The following ERICH3 variants were observed in gnomAD, a reference collection of about 807,000 sequenced individuals.
The protein encoded by ERICH3 is glutamate rich 3.
ERICH3 carries 126 observed loss-of-function variants against 131.1 expected under a neutral mutation model. That is an observed-to-expected ratio of 0.96 (90% confidence interval 0.83 to 1.11). ERICH3 has a LOEUF of 1.11. Among genes scored for constraint, ERICH3 ranks in the 50% most tolerant of loss-of-function variants. ERICH3 has a pLI of 0.00. For synonymous variants in ERICH3, 695 were observed against 644.6 expected (o/e 1.08, Z -1.18); for missense variants, 2,050 against 1,810.7 (o/e 1.13, Z -2.40).
intron 11 of ERICH3, among the ~76,000 whole-genome samples, chr1:74,594,946 G>A (rs1647778654): frequency 6.6e-6 from 1 of 152,102 alleles, no homozygotes; most frequent in African/African-American, 2.4e-5. Flanking sequence ...AAACTAAAAT[G>A]AGTAAATTAA....
upstream of ERICH3, chr1:74,673,862 A>C (rs942465836): frequency 3.7e-6 from 1 of 270,076 alleles, no homozygotes; most frequent in South Asian, 1.3e-4. Context: ...GATAGGGAGG[A>C]GACCCAAGCA....
At chr1:74,596,241 A>G (rs1229063516) in intron 11 of ERICH3, among the ~76,000 whole-genome samples, 2 of 151,956 alleles carry the variant, frequency 1.3e-5, no homozygotes, top group Non-Finnish European at 1.5e-5. Context: ...ATTCTGGGAG[A>G]AGTCTCTTCT....
At chr1:74,582,181 C>A (rs1039945893) in intron 12 of ERICH3, among the ~76,000 whole-genome samples, 1 of 152,126 alleles carries the variant, frequency 6.6e-6, no homozygotes, top group Admixed American at 6.6e-5. Flanking sequence ...GCCAGCACAC[C>A]GGCTTTTTAC....
intron 3 of ERICH3, among the ~76,000 whole-genome samples, chr1:74,643,476 T>C (rs966439318): frequency 2.6e-5 from 4 of 152,166 alleles, no homozygotes; most frequent in African/African-American, 9.7e-5. Flanking sequence ...AGAGAATGGC[T>C]ATATTTCTGG....
At chr1:74,593,568 A>G (rs929791187) in intron 11 of ERICH3, among the ~76,000 whole-genome samples, 1 of 152,154 alleles carries the variant, frequency 6.6e-6, no homozygotes, top group Non-Finnish European at 1.5e-5. Context: ...CCTCTATGAC[A>G]TCATACATGT....
At chr1:74,653,703 C>T (rs1646558445) in intron 1 of ERICH3, among the ~76,000 whole-genome samples, 1 of 152,078 alleles carries the variant, frequency 6.6e-6, no homozygotes, top group Non-Finnish European at 1.5e-5. Context: ...AAGATTATTG[C>T]TTAATGTGAG....
chr1:74,618,356 G>A (rs1244393959), intron 8 of ERICH3, among the ~76,000 whole-genome samples: 2 of 151,918 alleles, frequency 1.3e-5, no homozygotes, highest in African/African-American at 4.8e-5. Flanking sequence ...TATAGACAAA[G>A]GAAATAGCAC....
intron 1 of ERICH3, among the ~76,000 whole-genome samples, chr1:74,669,716 T>G (rs1646724408): frequency 6.6e-6 from 1 of 152,228 alleles, no homozygotes; most frequent in South Asian, 2.1e-4. Flanking sequence ...AAACCATTTT[T>G]ATTTACTCCT....
intron 1 of ERICH3, among the ~76,000 whole-genome samples, chr1:74,659,982 T>C (rs888077251): frequency 4.6e-5 from 7 of 152,142 alleles, no homozygotes; most frequent in Non-Finnish European, 8.8e-5. Flanking sequence ...CTTGGCTGTG[T>C]CCCCACCCAA....
chr1:74,640,059 A>T (rs1369553989), intron 5 of ERICH3, among the ~76,000 whole-genome samples: 6 of 152,184 alleles, frequency 3.9e-5, no homozygotes, highest in African/African-American at 1.4e-4. Flanking sequence ...AGCTGGTTTC[A>T]GTGTTTCCTG....
At chr1:74,609,040 T>A (rs1182020286) in intron 9 of ERICH3, among the ~76,000 whole-genome samples, 1 of 152,084 alleles carries the variant, frequency 6.6e-6, no homozygotes, top group Non-Finnish European at 1.5e-5. Context: ...CGTCACTGAC[T>A]ACCTATTTGA....
intron 1 of ERICH3, among the ~76,000 whole-genome samples, chr1:74,664,718 G>A (rs1570920919): frequency 6.6e-6 from 1 of 151,904 alleles, no homozygotes; most frequent in Admixed American, 6.6e-5. Context: ...GACTATTATA[G>A]AAAAATAATA....
At chr1:74,663,949 C>T (rs1646665685) in intron 1 of ERICH3, among the ~76,000 whole-genome samples, 1 of 152,012 alleles carries the variant, frequency 6.6e-6, no homozygotes, top group African/African-American at 2.4e-5. Context: ...GGGGCATAGT[C>T]CTGGGATACA....
Position 74,599,684 on chromosome 1 carries a change from G to A in ERICH3, c.1726+11C>T, listed in dbSNP as rs1366356036. 4 of 1,588,902 alleles carry A rather than the reference G, an allele frequency of 2.5e-6. No homozygotes were observed. Among genetic ancestry groups the A allele is most frequent in the Admixed American group, 3.5e-5 (2 of 56,976 alleles). On this transcript the variant is annotated intron_variant, in intron 11 of 14. Coordinates refer to ENST00000326665, the MANE Select transcript of ERICH3 (RefSeq NM_001002912.5). Reference sequence around the variant, plus strand: ...AACAGCCTATGTTACATGATAAGCTGAACAACTCGCCTTGTTTATCCTCTT... The same window carrying A: ...AACAGCCTATGTTACATGATAAGCTAAACAACTCGCCTTGTTTATCCTCTT...
intron 11 of ERICH3, among the ~76,000 whole-genome samples, chr1:74,598,722 TG>T (rs1209131740): frequency 6.6e-6 from 1 of 151,892 alleles, no homozygotes; most frequent in Non-Finnish European, 1.5e-5. Flanking sequence ...AGTATTTTTT[TG>T]TCCATAAGAT....
intron 11 of ERICH3, among the ~76,000 whole-genome samples, 157 bp from the exon 12 acceptor site, chr1:74,590,237 A>C (rs1647527043): frequency 6.6e-6 from 1 of 152,188 alleles, no homozygotes; most frequent in African/African-American, 2.4e-5. Context: ...AGTGGTCCCC[A>C]ATCTTTTTTA....
chr1:74,599,586 T>C, intron 11 of ERICH3, 109 bp downstream of exon 11: 2 of 958,104 alleles, frequency 2.1e-6, no homozygotes, highest in Admixed American at 2.6e-5. Flanking sequence ...TTAGAAAACA[T>C]ACATTCAAGA....
intron 1 of ERICH3, among the ~76,000 whole-genome samples, chr1:74,671,937 C>T (rs552431514): frequency 2.9e-4 from 44 of 152,232 alleles, no homozygotes; most frequent in African/African-American, 1.1e-3. Context: ...GTATTTGTTG[C>T]CATCTTAACA....
rs112583366 is a variant in ERICH3 at position 74,573,063 on chromosome 1, G to A, written c.2647C>T (p.Leu883Phe). 2.2e-4 allele frequency: 352 copies of A among 1,614,130 alleles called. No homozygotes were observed. The African/African-American group carries it at 4.0e-3, about 18-fold the overall frequency. ...DEAPEKQALM[L>F]TVLETDKAAS... The stretch of plus-strand genomic sequence containing the variant: ...GCTTTGTCTGTCTCAAGCACTGTGA[G>A]CATCAAGGCTTGCTTTTCAGGAGCC... Residue 883 changes from leucine to phenylalanine, a missense_variant, in exon 14 of 15, where the codon CTC becomes TTC. By Grantham distance (22) the Leu-to-Phe change is conservative (BLOSUM62 0). Coordinates refer to ENST00000326665, the MANE Select transcript of ERICH3 (RefSeq NM_001002912.5).
Sources: gnomAD v4.1 joint callset for allele counts (sites outside exome capture counted in the v4.1 genomes callset) on GRCh38, gnomAD v4.1.1 for gene constraint, MANE v1.5 for transcripts, NCBI Gene and HGNC (gene_info 2026-07-23, HGNC 2026-07-21) for gene names.